Variants in ZFAT observed in about 807,000 individuals in gnomAD.
The protein encoded by ZFAT is zinc finger and AT-hook domain containing.
In ZFAT, 64 loss-of-function variants were observed where a neutral mutation model predicts 117.7. That is an observed-to-expected ratio of 0.54 (90% CI 0.44 to 0.67). The LOEUF (loss-of-function observed/expected upper bound fraction) is 0.67, where lower values mean the gene tolerates loss of function less well. Among genes scored for constraint, ZFAT ranks in the 30% least tolerant of loss-of-function variants. The probability of loss-of-function intolerance (pLI) is 0.00; values close to 1 mark genes in which losing one functional copy is unlikely to be tolerated. For missense variants in ZFAT, 1,433 were observed against 1,584.5 expected (o/e 0.90, Z 1.62); for synonymous variants, 679 against 615.0 (o/e 1.10, Z -1.54).
At chr8:134,559,639 C>T (rs1189653584) in intron 11 of ZFAT, among the ~76,000 whole-genome samples, 1 of 152,214 alleles carries the variant, frequency 6.6e-6, no homozygotes, top group Non-Finnish European at 1.5e-5. Flanking sequence ...ACTAACACTC[C>T]CACCAGCAAT....
At chr8:134,773,288 A>C in the ZFAT span, among the ~76,000 whole-genome samples, 1 of 152,094 alleles carries the variant, frequency 6.6e-6, no homozygotes, top group African/African-American at 2.4e-5. Flanking sequence ...ATGACAACAC[A>C]TTTGTTTACA....
chr8:134,513,928 C>G (rs79059670), intron 13 of ZFAT, among the ~76,000 whole-genome samples: 1 of 152,304 alleles, frequency 6.6e-6, no homozygotes, highest in Admixed American at 6.5e-5. Context: ...AAAAGAAGAA[C>G]ATTTTGTTCT....
chr8:134,796,934 C>T, the ZFAT span: 1 of 152,234 alleles, frequency 6.6e-6, no homozygotes, highest in East Asian at 1.9e-4. Context: ...GACATTGTAT[C>T]AGTGACATAG....
In ZFAT at chr8:134,478,557, C is replaced by T. The variant is rs1360571725; in HGVS notation, c.3657G>A (p.Glu1219=). The T allele has an allele frequency of 1.3e-6, 2 of 1,594,510 alleles. No individual in the cohort carries two copies. The highest frequency in any genetic ancestry group is 1.7e-6 in the Non-Finnish European group (2 of 1,171,162). The change falls in exon 16 of 16, where the codon GAG becomes GAA. Residue 1219 remains glutamate (E), a synonymous_variant. Transcript: ENST00000377838. The surrounding 1 kb of genome is among the most constrained non-coding windows in gnomAD (Gnocchi z 5.2). Reference sequence around the variant, plus strand: ...TGGCCTCCTGCACGTAGACGATGAACTCCGAGGCCTCCCCGCCCTGCGTGT... The same window carrying T: ...TGGCCTCCTGCACGTAGACGATGAATTCCGAGGCCTCCCCGCCCTGCGTGT... ...TVYTQGGEAS[E]FIVYVQEAMQ...
intron 5 of ZFAT, among the ~76,000 whole-genome samples, chr8:134,608,128 CAAGGTGTAGT>C (rs1828030503): frequency 6.6e-6 from 1 of 152,136 alleles, no homozygotes; most frequent in African/African-American, 2.4e-5. Flanking sequence ...GAAAGACTTT[CAAGGTGTAGT>C]AAGCTTTTAA....
At chr8:134,775,251 C>T in the ZFAT span, among the ~76,000 whole-genome samples, 1 of 152,328 alleles carries the variant, frequency 6.6e-6, no homozygotes, top group South Asian at 2.1e-4. Flanking sequence ...ACTGTCTTGT[C>T]CCCTTAGGGC....
Position 134,602,281 on chromosome 8 carries a change from C to G in ZFAT, c.1438G>C (p.Val480Leu). The change falls in exon 6 of 16, where the codon GTG becomes CTG. Residue 480 changes from valine (V) to leucine (L), a missense_variant. By Grantham distance (32) the Val-to-Leu change is conservative (BLOSUM62 1). Transcript: ENST00000377838. ...SIRLRTHIKE[V>L]HGAAQEALVF... ...AAGGCCTCCTGGGCAGCCCCGTGCA[C>G]CTCTTTGATGTGGGTGCGCAGCCTG... The G allele has an allele frequency of 6.2e-7, 1 of 1,613,918 alleles. No individual in the cohort carries two copies. The highest frequency in any genetic ancestry group is 1.1e-5 in the South Asian group (1 of 91,086).
the ZFAT span, among the ~76,000 whole-genome samples, chr8:134,729,320 G>A: frequency 6.6e-6 from 1 of 152,190 alleles, no homozygotes; most frequent in Middle Eastern, 3.4e-3. Flanking sequence ...CATCCACCTC[G>A]CCATTCTTTT....
chr8:134,603,021 G>A, intron 5 of ZFAT, 88 bp from the exon 6 acceptor site: 1 of 1,520,762 alleles, frequency 6.6e-7, no homozygotes, highest in Non-Finnish European at 8.8e-7. Flanking sequence ...AAACACTAAA[G>A]GCTGAAAAGT....
At position 134,678,044 on chromosome 8, in the gene ZFAT, A is replaced by G. The variant is rs558030021; in HGVS notation, c.20-20307T>C. 2.6e-3 allele frequency among the ~76,000 whole-genome samples: 395 copies of G among 152,318 alleles called. 2 individuals carry two copies. The highest frequency in any genetic ancestry group is 9.3e-3 in the African/African-American group (387 of 41,558). On this transcript the variant is annotated intron_variant, in intron 1 of 15. Coordinates refer to ENST00000377838, the MANE Select transcript of ZFAT (RefSeq NM_020863.4). ...TCCCTTTGAAAACTGGCACAAGACA[A>G]GGATGCCCTCTCTCACCACTCCTAT...
At chr8:134,488,819 G>A (rs962724721) in intron 15 of ZFAT, among the ~76,000 whole-genome samples, 9 of 152,136 alleles carry the variant, frequency 5.9e-5, no homozygotes, top group Non-Finnish European at 8.8e-5. Context: ...CTGTAACACT[G>A]TGGGATTCCT....
chr8:134,801,772 C>T, the ZFAT span, among the ~76,000 whole-genome samples: 1 of 152,114 alleles, frequency 6.6e-6, no homozygotes, highest in African/African-American at 2.4e-5. Flanking sequence ...TATAATCAAA[C>T]TTCTGGATTA....
chr8:134,509,844 C>T, intron 14 of ZFAT, 95 bp from the exon 15 acceptor site: 5 of 1,484,560 alleles, frequency 3.4e-6, no homozygotes, highest in Non-Finnish European at 2.7e-6. Context: ...CGGGTGACGC[C>T]TTCTCCAGAG....
At position 134,532,945 on chromosome 8, in the gene ZFAT, A is replaced by C. The variant is rs769604559; in HGVS notation, c.3004T>G (p.Ser1002Ala). 1 of 1,607,538 alleles carries C rather than the reference A, an allele frequency of 6.2e-7. No individual in the cohort carries two copies. Among genetic ancestry groups the C allele is most frequent in the Non-Finnish European group, 8.5e-7 (1 of 1,177,050 alleles). Residue 1002 changes from serine (S) to alanine (A), a missense_variant, in exon 12 of 16, where the codon TCC becomes GCC. By Grantham distance (99) the Ser-to-Ala change is moderately conservative (BLOSUM62 1). This residue lies in a region of ZFAT where 503 missense variants were observed against 543.4 expected (regional missense o/e 0.93). Coordinates refer to ENST00000377838, the MANE Select transcript of ZFAT (RefSeq NM_020863.4). ...KPFRCAHCHY[S>A]CNISGSLKRH... ...TTCAGAGAGCCAGATATGTTGCAGG[A>C]GTAATGGCAATGGGCACAGCGGAAA... is the stretch of plus-strand genomic sequence containing the variant.
the ZFAT span, among the ~76,000 whole-genome samples, chr8:134,728,632 A>G: frequency 3.9e-5 from 6 of 152,106 alleles, no homozygotes; most frequent in Admixed American, 3.9e-4. Context: ...TGCACATCCA[A>G]CCCCAGATCC....
intron 9 of ZFAT, among the ~76,000 whole-genome samples, chr8:134,585,794 A>T (rs539061920): frequency 5.0e-4 from 76 of 152,310 alleles, no homozygotes; most frequent in Middle Eastern, 6.8e-3. Flanking sequence ...TTCTCCCCTA[A>T]GAGCCAGTGT....
chr8:134,582,865 G>A (rs905087838), intron 10 of ZFAT, among the ~76,000 whole-genome samples: 11 of 152,066 alleles, frequency 7.2e-5, no homozygotes, highest in Admixed American at 2.0e-4. Context: ...AATCACTGTT[G>A]AAATAATTTT....
At chr8:134,718,900 C>G in the ZFAT span, among the ~76,000 whole-genome samples, 1 of 152,166 alleles carries the variant, frequency 6.6e-6, no homozygotes, top group Non-Finnish European at 1.5e-5. Context: ...TTCAGCCATA[C>G]AGGGAAATAT....
Position 134,653,891 on chromosome 8 carries a change from T to C in ZFAT, c.196+3670A>G, listed in dbSNP as rs529984746. Among the ~76,000 whole-genome samples, 10 of 152,356 alleles carry C rather than the reference T, an allele frequency of 6.6e-5. No individual in the cohort carries two copies. The South Asian group carries it at 1.9e-3, about 28-fold the overall frequency. ...CTAACAGTGTATTTATGTTTACATA[T>C]GCAGACAAAAAGTCTGGAAGAACAC... On this transcript the variant is annotated intron_variant, in intron 2 of 15. Transcript: ENST00000377838.
Sources: gnomAD v4.1 joint callset for allele counts (sites outside exome capture counted in the v4.1 genomes callset) on GRCh38, gnomAD v4.1.1 for gene constraint, gnomAD v4.1.1 regional missense constraint, Gnocchi (gnomAD v3.1) non-coding constraint, MANE v1.5 for transcripts, NCBI Gene and HGNC (gene_info 2026-07-23, HGNC 2026-07-21) for gene names.